Variants in RUBCN observed in about 807,000 individuals in gnomAD.
The protein encoded by RUBCN is rubicon autophagy regulator.
RUBCN carries 74 observed loss-of-function variants against 113.2 expected under a neutral mutation model. The observed-to-expected ratio is 0.65, with a 90% CI of 0.54 to 0.79. The LOEUF is 0.79. Ranked by LOEUF, RUBCN falls within the 30% of genes least tolerant of loss-of-function variation. The pLI is 0.00. For synonymous variants in RUBCN, 480 were observed against 490.0 expected (o/e 0.98, Z 0.27); for missense variants, 1,109 against 1,251.7 (o/e 0.89, Z 1.72).
intron 12 of RUBCN, 23 bp downstream of exon 12, chr3:197,684,129 CTTTTT>C (rs369769813): frequency 1.9e-6 from 3 of 1,555,906 alleles, no homozygotes; most frequent in African/African-American, 1.4e-5. Context: ...GTTTTCTTTT[CTTTTT>C]TTTGGTAAAA....
chr3:197,700,732 G>C lies in RUBCN; in HGVS notation c.1142C>G (p.Ser381Cys). ...DQEGGGESQL[S>C]SVLRRSSFSE... ...GAAGCTGGACCTGCGGAGGACACTG[G>C]ACAGCTGGCTCTCCCCACCTCCTTC... The change falls in exon 7 of 20, where the codon TCC becomes TGC. Residue 381 changes from serine to cysteine, a missense_variant. By Grantham distance (112) the Ser-to-Cys change is moderately radical. Around this residue, in one of 3 missense-constraint regions of RUBCN, gnomAD observed 736 missense variants for 779.6 expected, o/e 0.94. Coordinates refer to ENST00000296343, the MANE Select transcript of RUBCN (RefSeq NM_014687.4). 1 of 1,614,216 alleles carries C rather than the reference G, an allele frequency of 6.2e-7. No individual in the cohort carries two copies. The highest frequency in any genetic ancestry group is 8.5e-7 in the Non-Finnish European group (1 of 1,180,034).
In RUBCN at chr3:197,681,909, G is replaced by A. The variant is rs777884464; in HGVS notation, c.2127-10C>T. On this transcript the variant is annotated splice_polypyrimidine_tract_variant and intron_variant, in intron 14 of 19. Transcript: ENST00000296343. The surrounding 1 kb of genome is among the most constrained non-coding windows in gnomAD (Gnocchi z 5.5). Reference sequence around the variant, plus strand: ...CACGGCAATTTTCCTCCTGAGGAAGGGTAAGGACAGGGCATTGGCACAGAG... The same window carrying A: ...CACGGCAATTTTCCTCCTGAGGAAGAGTAAGGACAGGGCATTGGCACAGAG... The A allele has an allele frequency of 6.2e-7, 1 of 1,612,166 alleles. No individual in the cohort carries two copies. The highest frequency in any genetic ancestry group is 1.7e-5 in the Admixed American group (1 of 59,998).
At chr3:197,692,916 G>A (rs1580216157) in intron 11 of RUBCN, among the ~76,000 whole-genome samples, 1 of 152,202 alleles carries the variant, frequency 6.6e-6, no homozygotes, top group Non-Finnish European at 1.5e-5. Context: ...TGTTATAATG[G>A]AGAATTATAG....
Position 197,683,256 on chromosome 3 carries a change from TCA to T in RUBCN, c.1980+49_1980+50del. 1 of 1,612,538 alleles carries T rather than the reference TCA, an allele frequency of 6.2e-7. No homozygotes were observed. The highest frequency in any genetic ancestry group is 8.5e-7 in the Non-Finnish European group (1 of 1,178,734). On this transcript the variant is annotated intron_variant, in intron 13 of 19. Coordinates refer to ENST00000296343, the MANE Select transcript of RUBCN (RefSeq NM_014687.4). This position sits in a 1 kb window ranked among gnomAD's most constrained non-coding sequence, Gnocchi z 4.6. ...GGACATGTGACGAAGGAAAACAAGG[TCA>T]CAGAGGCTCACGATGGCCCCTGGGT...
At chr3:197,731,307 G>A (rs1448192989) in intron 1 of RUBCN, among the ~76,000 whole-genome samples, 1 of 152,158 alleles carries the variant, frequency 6.6e-6, no homozygotes, top group Non-Finnish European at 1.5e-5. Flanking sequence ...GCACAGGGTT[G>A]GGGGTAACGT....
chr3:197,740,484 G>T (rs951115964), upstream of RUBCN, among the ~76,000 whole-genome samples: 1 of 151,902 alleles, frequency 6.6e-6, no homozygotes, highest in Non-Finnish European at 1.5e-5. Flanking sequence ...AAAAGAAAAA[G>T]AAAAAGAAAT....
chr3:197,721,181 G>T (rs1726118826), intron 1 of RUBCN, among the ~76,000 whole-genome samples: 1 of 152,192 alleles, frequency 6.6e-6, no homozygotes. Flanking sequence ...AATTTGGGAA[G>T]AATTGGTATT....
chr3:197,732,236 C>T (rs918941425), intron 1 of RUBCN, among the ~76,000 whole-genome samples: 8 of 152,134 alleles, frequency 5.3e-5, no homozygotes, highest in Non-Finnish European at 1.0e-4. Flanking sequence ...TCTAGGGAGA[C>T]AGTACACTGC....
chr3:197,690,053 C>G (rs1419411781), intron 11 of RUBCN, among the ~76,000 whole-genome samples: 1 of 152,178 alleles, frequency 6.6e-6, no homozygotes, highest in Non-Finnish European at 1.5e-5. Flanking sequence ...AACACGGGAG[C>G]TCCTGTAATA....
At chr3:197,736,935 C>T, upstream of RUBCN, 4 of 1,342,202 alleles carry the variant, frequency 3.0e-6, no homozygotes, top group Non-Finnish European at 3.8e-6. Context: ...ACTACAGCCC[C>T]CGGCGAGCAC....
intron 11 of RUBCN, among the ~76,000 whole-genome samples, chr3:197,684,718 A>G (rs1164989878): frequency 2.0e-5 from 3 of 149,886 alleles, no homozygotes; most frequent in Admixed American, 1.3e-4. Context: ...GCACACACAT[A>G]TATGTGTGTG....
chr3:197,675,353 G>A lies in RUBCN; in HGVS notation c.2740+69C>T, dbSNP rs1454127687. 1.3e-5 allele frequency: 19 copies of A among 1,516,082 alleles called. No homozygotes were observed. The highest frequency in any genetic ancestry group is 1.7e-5 in the Admixed American group (1 of 59,900). The allele number at this position is 1,516,082 out of a possible 1,614,324, so 93.9% of individuals were successfully genotyped here. A position where few individuals can be genotyped will look rare whatever the true frequency, so the allele number is the denominator to read the frequency against. On this transcript the variant is annotated intron_variant, in intron 19 of 19. Coordinates refer to ENST00000296343, the MANE Select transcript of RUBCN (RefSeq NM_014687.4). This position sits in a 1 kb window ranked among gnomAD's most constrained non-coding sequence, Gnocchi z 4.4. ...AGTGGCACCGAACTCTTGCTAACAGGGGTGGCTCTGGGGAATCAAGGAGCC... is the reference window on the plus strand; with the variant it reads ...AGTGGCACCGAACTCTTGCTAACAGAGGTGGCTCTGGGGAATCAAGGAGCC...
chr3:197,709,805 T>G (rs1274939892), intron 2 of RUBCN, among the ~76,000 whole-genome samples: 1 of 152,046 alleles, frequency 6.6e-6, no homozygotes, highest in Non-Finnish European at 1.5e-5. Flanking sequence ...AAATTACAGA[T>G]GGAACAATTT....
chr3:197,701,659 T>C, intron 6 of RUBCN, 49 bp downstream of exon 6: 2 of 1,583,752 alleles, frequency 1.3e-6, no homozygotes, highest in Non-Finnish European at 1.7e-6. Context: ...TCTTCTTACT[T>C]TCCAGGGCTG....
chr3:197,688,901 T>G (rs938245), intron 11 of RUBCN, among the ~76,000 whole-genome samples: 1 of 152,154 alleles, frequency 6.6e-6, no homozygotes, highest in Admixed American at 6.5e-5. Context: ...AGGAATTCAC[T>G]GTAAACTGAC....
In RUBCN at chr3:197,692,657, CCAAA is replaced by C. The variant is rs367904429; in HGVS notation, c.1786+1054_1786+1057del. 3.3e-3 allele frequency among the ~76,000 whole-genome samples: 497 copies of C among 152,192 alleles called. 5 individuals carry two copies. The highest frequency in any genetic ancestry group is 0.011 in the African/African-American group (466 of 41,524). ...GAGTTGGAAAATCACATACAAACAA[CCAAA>C]CAAACAAAAGGAGTTTTAAATGACT... On this transcript the variant is annotated intron_variant, in intron 11 of 19. Transcript: ENST00000296343.
Position 197,681,140 on chromosome 3 carries a change from T to G in RUBCN, c.2419A>C (p.Asn807His). 5 of 1,612,448 alleles carry G rather than the reference T, an allele frequency of 3.1e-6. No homozygotes were observed. Among genetic ancestry groups the G allele is most frequent in the Non-Finnish European group, 4.2e-6 (5 of 1,178,644 alleles). Reference sequence around the variant, plus strand: ...TTCCAAGGTCTTACCCGGACTTGATTGAGCAGCTTGACCTTCCTATAGAGG... The same window carrying G: ...TTCCAAGGTCTTACCCGGACTTGATGGAGCAGCTTGACCTTCCTATAGAGG... ...SALYRKVKLLNQVRLLRVQLC... is the reference protein window; with the variant it reads ...SALYRKVKLLHQVRLLRVQLC... The change falls in exon 16 of 20, where the codon AAT becomes CAT. Residue 807 changes from asparagine (N) to histidine (H), a missense_variant. By Grantham distance (68) the Asn-to-His change is moderately conservative. Around this residue, in one of 3 missense-constraint regions of RUBCN, gnomAD observed 306 missense variants for 348.9 expected, o/e 0.88. Coordinates refer to ENST00000296343, the MANE Select transcript of RUBCN (RefSeq NM_014687.4). The surrounding 1 kb of genome is among the most constrained non-coding windows in gnomAD (Gnocchi z 5.5).
intron 16 of RUBCN, among the ~76,000 whole-genome samples, chr3:197,680,823 G>T (rs1721134533): frequency 6.6e-6 from 1 of 152,036 alleles, no homozygotes; most frequent in African/African-American, 2.4e-5. Context: ...CTTCCTAGCT[G>T]CCATTGCCAC....
intron 2 of RUBCN, among the ~76,000 whole-genome samples, chr3:197,708,014 T>C (rs1012935611): frequency 2.0e-5 from 3 of 152,036 alleles, no homozygotes; most frequent in Non-Finnish European, 4.4e-5. Flanking sequence ...AGGTCTTTCC[T>C]TGCTACAAAA....
Sources: allele counts gnomAD v4.1 joint callset (sites outside exome capture counted in the v4.1 genomes callset), GRCh38; gene constraint gnomAD v4.1.1; regional missense constraint gnomAD v4.1.1; non-coding constraint Gnocchi (gnomAD v3.1); transcripts MANE v1.5; gene names NCBI Gene and HGNC (gene_info 2026-07-23, HGNC 2026-07-21).